Variants in NFIA observed in about 807,000 individuals in gnomAD.
The protein encoded by NFIA is nuclear factor 1 A-type.
A neutral mutation model predicts 62.8 loss-of-function variants in NFIA; 8 were observed. The ratio of observed to expected loss-of-function variants is 0.13; its 90% confidence interval spans 0.07 to 0.23. The LOEUF (loss-of-function observed/expected upper bound fraction) is 0.23, where lower values mean the gene tolerates loss of function less well. NFIA is among the 10% of genes least tolerant of loss of function. NFIA has a pLI of 1.00. For missense variants in NFIA, 410 were observed against 642.1 expected (o/e 0.64, Z 3.91); for synonymous variants, 235 against 238.1 (o/e 0.99, Z 0.12).
intron 8 of NFIA, among the ~76,000 whole-genome samples, chr1:61,404,959 T>C (rs1299982101): frequency 6.6e-6 from 1 of 152,236 alleles, no homozygotes; most frequent in African/African-American, 2.4e-5. Context: ...AGAAATTTTA[T>C]TTCAAATATA....
chr1:61,260,906 C>G (rs907105246), intron 2 of NFIA, among the ~76,000 whole-genome samples: 6 of 152,142 alleles, frequency 3.9e-5, no homozygotes, highest in Non-Finnish European at 7.4e-5. Context: ...GTTTCCACTT[C>G]CTTGGTTGCT....
intron 2 of NFIA, among the ~76,000 whole-genome samples, chr1:61,094,987 G>A (rs1401306500): frequency 2.0e-5 from 3 of 152,162 alleles, no homozygotes; most frequent in Non-Finnish European, 2.9e-5. Flanking sequence ...ATAAAACTGA[G>A]AAAAAGAAGT....
In NFIA at chr1:61,232,677, T is replaced by A. The variant is rs565462872; in HGVS notation, c.560-44843T>A. ...AAAAATTAATGCACAGAGATTTTTT[T>A]AAAAAACACTTGTGACAGGAGTTTT... is the stretch of plus-strand genomic sequence containing the variant. On this transcript the variant is annotated intron_variant, in intron 2 of 10. Coordinates refer to ENST00000403491, the MANE Select transcript of NFIA (RefSeq NM_001134673.4). Among the ~76,000 whole-genome samples, 16 of 152,316 alleles carry A rather than the reference T, an allele frequency of 1.1e-4. No individual in the cohort carries two copies. In the East Asian group the frequency reaches 1.3e-3, roughly 13 times the overall value.
chr1:61,321,998 A>AATT (rs1660703971), intron 3 of NFIA, among the ~76,000 whole-genome samples: 1 of 152,192 alleles, frequency 6.6e-6, no homozygotes, highest in African/African-American at 2.4e-5. Flanking sequence ...TAGACTGGGT[A>AATT]ATTAAGTCTC....
chr1:61,385,527 A>G (rs889362301), intron 7 of NFIA, among the ~76,000 whole-genome samples: 2 of 152,174 alleles, frequency 1.3e-5, no homozygotes, highest in African/African-American at 4.8e-5. Context: ...ATAAAACAGT[A>G]TTTGTGGAGA....
At chr1:61,159,267 CACTT>C (rs201258310) in intron 2 of NFIA, among the ~76,000 whole-genome samples, 1 of 151,752 alleles carries the variant, frequency 6.6e-6, no homozygotes, top group African/African-American at 2.4e-5. Flanking sequence ...ATCAAAAAGA[CACTT>C]ACTGGTAGTT....
intron 2 of NFIA, among the ~76,000 whole-genome samples, chr1:61,091,153 T>C (rs1334885996): frequency 1.3e-5 from 2 of 152,238 alleles, no homozygotes; most frequent in Admixed American, 1.3e-4. Context: ...GCTCTTTCTT[T>C]TAAATTGTTA....
At chr1:61,403,665 A>G (rs923564816) in intron 7 of NFIA, among the ~76,000 whole-genome samples, 1 of 152,344 alleles carries the variant, frequency 6.6e-6, no homozygotes, top group Non-Finnish European at 1.5e-5. Flanking sequence ...AAGGGGTATA[A>G]GAGGTTTAAC....
intron 2 of NFIA, among the ~76,000 whole-genome samples, chr1:61,206,153 A>G (rs1041274903): frequency 4.6e-5 from 7 of 152,086 alleles, no homozygotes; most frequent in African/African-American, 1.4e-4. Context: ...AGACATTTTT[A>G]AGACAAAATT....
At chr1:61,237,661 G>C (rs1167502944) in intron 2 of NFIA, among the ~76,000 whole-genome samples, 1 of 151,972 alleles carries the variant, frequency 6.6e-6, no homozygotes, top group African/African-American at 2.4e-5. Context: ...TCCCATCATT[G>C]TTTTCAAATA....
intron 6 of NFIA, among the ~76,000 whole-genome samples, chr1:61,366,465 A>T (rs1437150552): frequency 6.6e-6 from 1 of 152,228 alleles, no homozygotes; most frequent in East Asian, 1.9e-4. Context: ...AACAATTAAC[A>T]GACACAGTTA....
chr1:61,107,157 A>C (rs1390137418), intron 2 of NFIA, among the ~76,000 whole-genome samples: 1 of 151,454 alleles, frequency 6.6e-6, no homozygotes, highest in African/African-American at 2.4e-5. Flanking sequence ...AGTGTGTAAA[A>C]GTTTCTTTAT....
intron 10 of NFIA, among the ~76,000 whole-genome samples, chr1:61,444,691 G>A (rs1014678644): frequency 1.3e-5 from 2 of 152,162 alleles, no homozygotes; most frequent in Non-Finnish European, 2.9e-5. Context: ...CTGTCTTCTA[G>A]AATAGCACAA....
chr1:61,433,159 C>T (rs904158187), intron 10 of NFIA, among the ~76,000 whole-genome samples: 2 of 152,216 alleles, frequency 1.3e-5, no homozygotes. Flanking sequence ...AAGTTAGTCC[C>T]AGTGCTCCCT....
intron 5 of NFIA, among the ~76,000 whole-genome samples, chr1:61,354,181 C>A (rs990845476): frequency 5.3e-5 from 8 of 152,148 alleles, no homozygotes; most frequent in African/African-American, 1.9e-4. Flanking sequence ...AGGCCAGTGT[C>A]GTTCTCATAT....
chr1:61,247,179 C>T (rs1655698232), intron 2 of NFIA, among the ~76,000 whole-genome samples: 1 of 152,166 alleles, frequency 6.6e-6, no homozygotes, highest in African/African-American at 2.4e-5. Context: ...GCTTACAACT[C>T]CCAAAGTTAC....
At chr1:61,196,334 A>ATTCCTAGGTCATGGCTATGGAGC (rs1435203346) in intron 2 of NFIA, among the ~76,000 whole-genome samples, 10 of 152,152 alleles carry the variant, frequency 6.6e-5, no homozygotes, top group African/African-American at 2.4e-4. Flanking sequence ...TACTTAGTAA[A>ATTCCTAGGTCATGGCTATGGAGC]TTCCTAGGTC....
rs56299869 is a variant in NFIA, at chr1:61,177,653, T to TTGTGTGTGTGTGTGTGTG, written c.559+88989_559+89006dup. On this transcript the variant is annotated intron_variant, in intron 2 of 10. Transcript: ENST00000403491. ...GTTTATAGTAAGAATGTTTTCTCTA[T>TTGTGTGTGTGTGTGTGTG]TGTGTGTGTGTGTGTGTGTGTGTGT... Among the ~76,000 whole-genome samples the TTGTGTGTGTGTGTGTGTG allele has an allele frequency of 2.4e-3, 350 of 146,156 alleles. 1 individual carries two copies. Among genetic ancestry groups the TTGTGTGTGTGTGTGTGTG allele is most frequent in the Non-Finnish European group, 3.8e-3 (248 of 65,980 alleles).
intron 10 of NFIA, among the ~76,000 whole-genome samples, chr1:61,432,624 C>A (rs200105454): frequency 5.6e-5 from 2 of 35,640 alleles, no homozygotes; most frequent in Admixed American, 3.3e-4. Context: ...CACACACACA[C>A]GTACACACAT....
Sources: gnomAD v4.1 joint callset for allele counts (sites outside exome capture counted in the v4.1 genomes callset) on GRCh38, gnomAD v4.1.1 for gene constraint, MANE v1.5 for transcripts, NCBI Gene and HGNC (gene_info 2026-07-23, HGNC 2026-07-21) for gene names.